The following IGFBP7 variants were observed in gnomAD, a reference collection of about 807,000 sequenced individuals.
IGFBP7 encodes the protein insulin-like growth factor-binding protein 7.
IGFBP7 carries 31 observed loss-of-function variants against 29.4 expected under a neutral mutation model. The observed-to-expected ratio is 1.05, with a 90% CI of 0.79 to 1.42. The LOEUF is 1.42. Among genes scored for constraint, IGFBP7 ranks in the 40% most tolerant of loss-of-function variants. The pLI is 0.00. For synonymous variants in IGFBP7, 172 were observed against 174.9 expected (o/e 0.98, Z 0.13); for missense variants, 393 against 395.5 (o/e 0.99, Z 0.05).
chr4:57,076,733 G>C (rs1384654972), intron 1 of IGFBP7, among the ~76,000 whole-genome samples: 2 of 152,202 alleles, frequency 1.3e-5, no homozygotes, highest in Non-Finnish European at 2.9e-5. Context: ...CATTTGAAGG[G>C]AAGCCATGTC....
chr4:57,048,144 T>G (rs1724410128), intron 1 of IGFBP7, among the ~76,000 whole-genome samples: 1 of 150,062 alleles, frequency 6.7e-6, no homozygotes, highest in Non-Finnish European at 1.5e-5. Context: ...CTCCACATCC[T>G]GGGCTCACGC....
At chr4:57,086,884 C>A (rs1350757856) in intron 1 of IGFBP7, among the ~76,000 whole-genome samples, 3 of 152,184 alleles carry the variant, frequency 2.0e-5, no homozygotes, top group African/African-American at 7.2e-5. Context: ...CAGGCACATA[C>A]CACCACGCTC....
intron 1 of IGFBP7, among the ~76,000 whole-genome samples, chr4:57,093,499 CA>C (rs538065423): frequency 0.12 from 12,736 of 109,918 alleles, 569 homozygotes; most frequent in South Asian, 0.18. Flanking sequence ...GACTCTGTCT[CA>C]AAAAAAAAAA....
At chr4:57,036,352 A>T (rs1266307531) in intron 2 of IGFBP7, among the ~76,000 whole-genome samples, 3 of 152,142 alleles carry the variant, frequency 2.0e-5, no homozygotes, top group Non-Finnish European at 4.4e-5. Context: ...TCTTTGGATA[A>T]TTTCTGCTTA....
chr4:57,045,248 A>G (rs1022957997), intron 1 of IGFBP7, among the ~76,000 whole-genome samples: 1 of 152,220 alleles, frequency 6.6e-6, no homozygotes. Context: ...ACAAAAATCT[A>G]TAATATCCAC....
At chr4:57,097,652 CACTTA>C (rs10573432) in intron 1 of IGFBP7, among the ~76,000 whole-genome samples, 68,958 of 151,410 alleles carry the variant, frequency 0.46, 17,008 homozygotes, top group Non-Finnish European at 0.57. Context: ...TGTATTGCCT[CACTTA>C]ACTTCACAAA....
At chr4:57,066,290 A>G (rs574104664) in intron 1 of IGFBP7, among the ~76,000 whole-genome samples, 50 of 152,272 alleles carry the variant, frequency 3.3e-4, no homozygotes, top group Admixed American at 1.5e-3. Context: ...AGGATGCTCA[A>G]AGGGCACAAA....
intron 1 of IGFBP7, among the ~76,000 whole-genome samples, chr4:57,081,505 C>T (rs572236693): frequency 1.3e-5 from 2 of 152,160 alleles, no homozygotes; most frequent in African/African-American, 4.8e-5. Flanking sequence ...TGAAGTCACA[C>T]TCTTTATTAG....
intron 1 of IGFBP7, among the ~76,000 whole-genome samples, chr4:57,074,074 C>A (rs1220246516): frequency 1.3e-5 from 2 of 148,852 alleles, no homozygotes; most frequent in Non-Finnish European, 3.0e-5. Context: ...TCTCTTTTTT[C>A]TTTTGAGACA....
At chr4:57,099,742 A>G (rs892243581) in intron 1 of IGFBP7, among the ~76,000 whole-genome samples, 6 of 152,058 alleles carry the variant, frequency 3.9e-5, no homozygotes, top group African/African-American at 9.7e-5. Flanking sequence ...AGGTTTTCCT[A>G]TTTTTTGAGA....
chr4:57,099,357 C>A (rs879474639), intron 1 of IGFBP7, among the ~76,000 whole-genome samples: 1 of 152,158 alleles, frequency 6.6e-6, no homozygotes, highest in Non-Finnish European at 1.5e-5. Flanking sequence ...TGCAAGTTGT[C>A]ACTTAGCTGA....
intron 1 of IGFBP7, among the ~76,000 whole-genome samples, chr4:57,067,464 A>C (rs1724946811): frequency 6.6e-6 from 1 of 152,384 alleles, no homozygotes; most frequent in Non-Finnish European, 1.5e-5. Context: ...CAAATATGAC[A>C]TGATTCCATT....
At chr4:57,038,725 T>A (rs1374100243) in intron 2 of IGFBP7, among the ~76,000 whole-genome samples, 1 of 152,200 alleles carries the variant, frequency 6.6e-6, no homozygotes, top group African/African-American at 2.4e-5. Context: ...TTTTAATTTT[T>A]ATTTTTCGTA....
chr4:57,084,788 GTTTTTTTT>G (rs57704332), intron 1 of IGFBP7, among the ~76,000 whole-genome samples: 1 of 113,104 alleles, frequency 8.8e-6, no homozygotes, highest in African/African-American at 3.4e-5. Flanking sequence ...TTTAAAAAAG[GTTTTTTTT>G]TTTTTTTTTT....
In IGFBP7 at chr4:57,078,361, A is replaced by G. The variant is rs531303294; in HGVS notation, c.475+31516T>C. ...TTAAAAAGCTAGACACCTCCTAACCACTATTCCATATTACCTCATAGGTAA... is the reference window on the plus strand; with the variant it reads ...TTAAAAAGCTAGACACCTCCTAACCGCTATTCCATATTACCTCATAGGTAA... On this transcript the variant is annotated intron_variant, in intron 1 of 4. Coordinates refer to ENST00000295666, the MANE Select transcript of IGFBP7 (RefSeq NM_001553.3). Among the ~76,000 whole-genome samples the G allele has an allele frequency of 2.6e-5, 4 of 152,238 alleles. No homozygotes were observed. The East Asian group carries it at 5.8e-4, about 22-fold the overall frequency.
At chr4:57,064,156 C>T (rs781035989) in intron 1 of IGFBP7, among the ~76,000 whole-genome samples, 2 of 152,114 alleles carry the variant, frequency 1.3e-5, no homozygotes, top group Non-Finnish European at 1.5e-5. Context: ...CTGGGCAACA[C>T]GGTGAAACCC....
At chr4:57,036,590 T>C (rs890844407) in intron 2 of IGFBP7, among the ~76,000 whole-genome samples, 13 of 152,182 alleles carry the variant, frequency 8.5e-5, no homozygotes, top group African/African-American at 2.9e-4. Context: ...TTTCAAAATA[T>C]TGCCCTTCGA....
Position 57,110,206 on chromosome 4 carries a change from A to G in IGFBP7, c.146T>C (p.Leu49Pro), listed in dbSNP as rs1726158732. 2 of 1,379,400 alleles carry G rather than the reference A, an allele frequency of 1.4e-6. No individual in the cohort carries two copies. The highest frequency in any genetic ancestry group is 1.7e-5 in the South Asian group (1 of 58,900). 85.4% of individuals were successfully genotyped at this position (1,379,400 alleles called of 1,614,324 possible). The change falls in exon 1 of 5, where the codon CTG becomes CCG. Residue 49 changes from leucine to proline, a missense_variant. Transcript: ENST00000295666. ...SCPPLPPLGC[L>P]LGETRDACGC... ...GCACGCGTCGCGGGTCTCGCCCAGC[A>G]GGCAGCCCAGCGGGGGCAGGGGCGG...
intron 1 of IGFBP7, among the ~76,000 whole-genome samples, chr4:57,060,471 C>T (rs1050483497): frequency 1.3e-5 from 2 of 152,078 alleles, no homozygotes; most frequent in Non-Finnish European, 2.9e-5. Context: ...CGCTTTGATC[C>T]CTCAATCAGG....
Sources: gnomAD v4.1 joint callset for allele counts (sites outside exome capture counted in the v4.1 genomes callset) on GRCh38, gnomAD v4.1.1 for gene constraint, MANE v1.5 for transcripts, NCBI Gene and HGNC (gene_info 2026-07-23, HGNC 2026-07-21) for gene names.